Variants in NUP58 observed in about 807,000 individuals in gnomAD.
NUP58 encodes the protein nucleoporin 58.
A neutral mutation model predicts 70.1 loss-of-function variants in NUP58; 17 were observed. The observed-to-expected ratio is 0.24, with a 90% CI of 0.17 to 0.36. NUP58 has a LOEUF of 0.36. Ranked by LOEUF, NUP58 falls within the 10% of genes least tolerant of loss-of-function variation. The pLI is 1.00. For missense variants in NUP58, 644 were observed against 701.5 expected, an observed-to-expected ratio of 0.92 and a Z score of 0.93; for synonymous variants, 275 against 257.6, an observed-to-expected ratio of 1.07 and a Z score of -0.65.
At chr13:25,337,785 G>T (rs1383491159) in intron 14 of NUP58, among the ~76,000 whole-genome samples, 2 of 151,990 alleles carry the variant, frequency 1.3e-5, no homozygotes, top group East Asian at 3.9e-4. Flanking sequence ...TTAGAATCTG[G>T]CAGATAGCAT....
chr13:25,332,705 A>AT (rs754980483), intron 13 of NUP58: 111 of 985,312 alleles, frequency 1.1e-4, no homozygotes, highest in Non-Finnish European at 1.3e-4. Flanking sequence ...AATCCTCCAT[A>AT]TCCCGTGGCT....
intron 9 of NUP58, among the ~76,000 whole-genome samples, chr13:25,324,029 G>A (rs913518946): frequency 1.3e-5 from 2 of 152,258 alleles, no homozygotes; most frequent in Non-Finnish European, 1.5e-5. Context: ...ATGAACGAGG[G>A]TATGGGCATG....
chr13:25,301,763 C>T lies in NUP58; in HGVS notation c.-11C>T. 1.3e-6 allele frequency: 2 copies of T among 1,591,772 alleles called. No individual in the cohort carries two copies. The highest frequency in any genetic ancestry group is 1.7e-6 in the Non-Finnish European group (2 of 1,165,386). ...TTTCGCCTTGCTGACGGCGTCGAGCCCTGGCCAGACATGTCCACAGGGTTC... is the reference window on the plus strand; with the variant it reads ...TTTCGCCTTGCTGACGGCGTCGAGCTCTGGCCAGACATGTCCACAGGGTTC... On this transcript the variant is annotated 5_prime_UTR_variant, in exon 1 of 16. Coordinates refer to ENST00000381736, the MANE Select transcript of NUP58 (RefSeq NM_014089.4).
At chr13:25,312,591 C>T (rs566100572) in intron 3 of NUP58, among the ~76,000 whole-genome samples, 3 of 152,322 alleles carry the variant, frequency 2.0e-5, no homozygotes, top group East Asian at 1.9e-4. Flanking sequence ...TGGTCTTGAA[C>T]TCCTGACCTC....
intron 15 of NUP58, among the ~76,000 whole-genome samples, chr13:25,339,038 TAC>T (rs3045205): frequency 0.042 from 6,421 of 152,280 alleles, 464 homozygotes; most frequent in African/African-American, 0.14. Flanking sequence ...TCTTCATTAT[TAC>T]AAAAAGGAAC....
At chr13:25,303,028 C>T in intron 1 of NUP58, 1 of 456,298 alleles carries the variant, frequency 2.2e-6, no homozygotes, top group Non-Finnish European at 4.4e-6. Flanking sequence ...GTCTTGCTCT[C>T]TTGATCCTTA....
intron 1 of NUP58, among the ~76,000 whole-genome samples, chr13:25,306,452 A>T (rs2030366240): frequency 6.6e-6 from 1 of 151,704 alleles, no homozygotes; most frequent in African/African-American, 2.4e-5. Flanking sequence ...TGTTTTGCAG[A>T]TGAGGAAATA....
intron 6 of NUP58, among the ~76,000 whole-genome samples, chr13:25,318,496 G>A (rs2031040524): frequency 6.6e-6 from 1 of 151,996 alleles, no homozygotes; most frequent in African/African-American, 2.4e-5. Flanking sequence ...TCTAATATTA[G>A]AAATACATAT....
At chr13:25,347,198 A>G (rs1010421168), downstream of NUP58, among the ~76,000 whole-genome samples, 7 of 152,128 alleles carry the variant, frequency 4.6e-5, no homozygotes, top group South Asian at 2.1e-4. Context: ...TTGGCACTCA[A>G]GTTTCAGATT....
chr13:25,316,813 C>T (rs1159428056), intron 6 of NUP58, among the ~76,000 whole-genome samples: 1 of 152,012 alleles, frequency 6.6e-6, no homozygotes, highest in African/African-American at 2.4e-5. Flanking sequence ...CTCCTCTGCC[C>T]CTCCCCACAT....
At chr13:25,321,391 TTAGTAAGTTGAAGGGCC>T (rs1166533599) in intron 9 of NUP58, among the ~76,000 whole-genome samples, 2 of 152,184 alleles carry the variant, frequency 1.3e-5, no homozygotes, top group Non-Finnish European at 2.9e-5. Context: ...CAGAGCTTTG[TTAGTAAGTTGAAGGGCC>T]TGGATTCAGA....
chr13:25,334,431 A>G (rs2031714085), intron 13 of NUP58: 1 of 985,334 alleles, frequency 1.0e-6, no homozygotes, highest in Non-Finnish European at 1.2e-6. Context: ...AGGAATTCCT[A>G]ATTTTTAGCT....
In NUP58 at chr13:25,340,889, G is replaced by T. The variant is rs2031934252; in HGVS notation, c.*755G>T. 6.6e-6 allele frequency: 1 copy of T among 152,170 alleles called. No homozygotes were observed. The highest frequency in any genetic ancestry group is 6.6e-5 in the Admixed American group (1 of 15,266). The allele number at this position is 152,170 out of a possible 1,614,324, so 9.4% of individuals were successfully genotyped here. On this transcript the variant is annotated 3_prime_UTR_variant, in exon 16 of 16. Transcript: ENST00000381736. ...GCCGAGATCACACCACTGCACTCCA[G>T]CCTGGGCAACAAGAGCAAAACTCCG...
chr13:25,317,904 T>A (rs1034818560), intron 6 of NUP58: 13 of 143,746 alleles, frequency 9.0e-5, no homozygotes, highest in African/African-American at 3.1e-4. Flanking sequence ...TGCTGTGTCA[T>A]GCAGGTTGGA....
chr13:25,348,789 T>C (rs2032077317), intron 3 of NUP58, among the ~76,000 whole-genome samples: 1 of 152,242 alleles, frequency 6.6e-6, no homozygotes, highest in African/African-American at 2.4e-5. Flanking sequence ...TTGTCTACCC[T>C]TGTTCATCAT....
downstream of NUP58, among the ~76,000 whole-genome samples, chr13:25,345,855 T>G (rs1463121723): frequency 1.3e-5 from 2 of 152,134 alleles, no homozygotes; most frequent in African/African-American, 2.4e-5. Context: ...ATGGAAAAAT[T>G]GACTGTGGCC....
At chr13:25,344,396 G>A (rs2032025130), downstream of NUP58, among the ~76,000 whole-genome samples, 1 of 152,138 alleles carries the variant, frequency 6.6e-6, no homozygotes, top group African/African-American at 2.4e-5. Flanking sequence ...TAAAGCATTT[G>A]GATAGTGTAA....
intron 13 of NUP58, chr13:25,334,646 A>ATTT (rs2031720453): frequency 1.0e-6 from 1 of 981,222 alleles, no homozygotes; most frequent in Non-Finnish European, 1.2e-6. Flanking sequence ...GTGACTTAGA[A>ATTT]ATAACCATAC....
intron 15 of NUP58, among the ~76,000 whole-genome samples, chr13:25,339,042 A>G (rs953209563): frequency 7.9e-5 from 12 of 152,310 alleles, no homozygotes; most frequent in African/African-American, 2.9e-4. Context: ...CATTATTACA[A>G]AAAGGAACCC....
Sources: gnomAD v4.1 joint callset for allele counts (sites outside exome capture counted in the v4.1 genomes callset) on GRCh38, gnomAD v4.1.1 for gene constraint, MANE v1.5 for transcripts, NCBI Gene and HGNC (gene_info 2026-07-23, HGNC 2026-07-21) for gene names.